Variants in FANK1 observed in about 807,000 individuals in gnomAD.
FANK1 encodes the protein fibronectin type 3 and ankyrin repeat domains protein 1.
Under a neutral mutation model 45.3 loss-of-function variants are expected in FANK1, and 44 were observed. That is an observed-to-expected ratio of 0.97 (90% CI 0.76 to 1.25). The LOEUF (loss-of-function observed/expected upper bound fraction) is 1.25. Among genes scored for constraint, FANK1 ranks in the 50% most tolerant of loss-of-function variants. FANK1 has a pLI of 0.00. For missense variants in FANK1, 391 were observed against 424.4 expected (o/e 0.92, Z 0.69); for synonymous variants, 149 against 152.5 (o/e 0.98, Z 0.17).
chr10:125,966,793 T>C lies in FANK1; in HGVS notation c.14-13368T>C, dbSNP rs556269972. ...GTCTAGGCTAGTAGTTTGTCTTAGCTGAATCTTTTTTCCATAAGAATAAGT... is the reference window on the plus strand; with the variant it reads ...GTCTAGGCTAGTAGTTTGTCTTAGCCGAATCTTTTTTCCATAAGAATAAGT... On this transcript the variant is annotated intron_variant, in intron 1 of 10. Transcript: ENST00000368693. Among the ~76,000 whole-genome samples the C allele has an allele frequency of 2.6e-5, 4 of 152,332 alleles. No homozygotes were observed. The South Asian group carries it at 8.3e-4, about 32-fold the overall frequency.
intron 6 of FANK1, among the ~76,000 whole-genome samples, chr10:125,998,178 G>C (rs1263783676): frequency 6.6e-6 from 1 of 152,216 alleles, no homozygotes; most frequent in Non-Finnish European, 1.5e-5. Context: ...CAAAATGCCA[G>C]GCCCTGGCTT....
intron 1 of FANK1, among the ~76,000 whole-genome samples, chr10:125,961,994 C>T (rs539454526): frequency 1.3e-5 from 2 of 152,066 alleles, no homozygotes; most frequent in African/African-American, 4.8e-5. Flanking sequence ...AATGAGATTA[C>T]ATCAAACAAA....
intron 1 of FANK1, among the ~76,000 whole-genome samples, chr10:125,942,729 C>T (rs1342971330): frequency 6.6e-6 from 1 of 151,676 alleles, no homozygotes; most frequent in East Asian, 1.9e-4. Flanking sequence ...ATTATCAAAT[C>T]TACAAGCTTA....
intron 1 of FANK1, among the ~76,000 whole-genome samples, chr10:125,962,586 G>T (rs190293555): frequency 6.6e-6 from 1 of 151,940 alleles, no homozygotes; most frequent in Non-Finnish European, 1.5e-5. Context: ...GTTTTCTGCC[G>T]AGTATAACCT....
chr10:125,972,735 A>C (rs1302792898), intron 1 of FANK1: 1 of 151,628 alleles, frequency 6.6e-6, no homozygotes, highest in Non-Finnish European at 1.5e-5. Context: ...GCGTACACTA[A>C]CCATTGGCAT....
intron 2 of FANK1, among the ~76,000 whole-genome samples, chr10:125,984,775 C>G (rs1469760751): frequency 2.0e-5 from 3 of 152,198 alleles, no homozygotes; most frequent in African/African-American, 4.8e-5. Flanking sequence ...GCTCTTGCAT[C>G]AAACATTTGC....
intron 1 of FANK1, among the ~76,000 whole-genome samples, chr10:125,913,341 A>C (rs1946184237): frequency 6.6e-6 from 1 of 151,788 alleles, no homozygotes; most frequent in Non-Finnish European, 1.5e-5. Flanking sequence ...ATGCTGCATG[A>C]CACCCAAACT....
rs1459339872 is a variant in FANK1, at chr10:125,907,590, G to T, written c.13+10935G>T. On this transcript the variant is annotated intron_variant, in intron 1 of 10. Coordinates refer to ENST00000368693, the MANE Select transcript of FANK1 (RefSeq NM_145235.5). ...TCCTGGGATGTGTGTGTGTGTGTGT[G>T]TGTGTATGTGTGTGTGTGTGTGTGC... 8.0e-6 allele frequency: 6 copies of T among 747,286 alleles called. No homozygotes were observed. In the East Asian group the frequency reaches 3.9e-4, roughly 48 times the overall value. 46.3% of individuals were successfully genotyped at this position (747,286 alleles called of 1,614,324 possible). A position where few individuals can be genotyped will look rare whatever the true frequency, so the allele number is the denominator to read the frequency against.
At position 125,956,909 on chromosome 10, in the gene FANK1, C is replaced by T. The variant is rs181772808; in HGVS notation, c.14-23252C>T. Among the ~76,000 whole-genome samples the T allele has an allele frequency of 1.6e-3, 248 of 152,278 alleles. 1 individual carries two copies. The highest frequency in any genetic ancestry group is 4.5e-3 in the African/African-American group (186 of 41,544). ...TGTTGTCCAGGCAGGAGTGCAATGG[C>T]GCGATCTCAGCTCACTGCAACCTCC... On this transcript the variant is annotated intron_variant, in intron 1 of 10. Transcript: ENST00000368693.
At chr10:125,909,294 A>G (rs1009044619) in intron 1 of FANK1, among the ~76,000 whole-genome samples, 4 of 152,148 alleles carry the variant, frequency 2.6e-5, no homozygotes, top group African/African-American at 7.2e-5. Flanking sequence ...GGAAGTGAAA[A>G]TCACTGGGGG....
chr10:125,974,139 C>T (rs1302605422), intron 1 of FANK1, among the ~76,000 whole-genome samples: 1 of 152,210 alleles, frequency 6.6e-6, no homozygotes, highest in Admixed American at 6.5e-5. Context: ...CTAGGTTTAT[C>T]CAATTCCATC....
intron 1 of FANK1, among the ~76,000 whole-genome samples, chr10:125,953,737 T>G (rs1486996049): frequency 6.6e-6 from 1 of 152,166 alleles, no homozygotes; most frequent in Non-Finnish European, 1.5e-5. Flanking sequence ...GCTTTGTGGT[T>G]CAGATGCTGA....
intron 6 of FANK1, 174 bp from the exon 7 acceptor site, chr10:126,004,710 A>G: frequency 3.3e-6 from 2 of 610,774 alleles, no homozygotes; most frequent in Admixed American, 5.7e-5. Flanking sequence ...CATTGTATGG[A>G]TATACCACAT....
chr10:125,941,282 G>A (rs1197974665), intron 1 of FANK1, among the ~76,000 whole-genome samples: 1 of 152,076 alleles, frequency 6.6e-6, no homozygotes, highest in Non-Finnish European at 1.5e-5. Context: ...ATGGACAATA[G>A]ACATTTTGCA....
intron 6 of FANK1, chr10:126,004,495 C>G (rs1486760470): frequency 5.8e-6 from 1 of 173,106 alleles, no homozygotes. Flanking sequence ...GAAAGAAGCC[C>G]TGCCCTCTTC....
intron 1 of FANK1, among the ~76,000 whole-genome samples, chr10:125,959,732 C>T (rs1949802482): frequency 6.6e-6 from 1 of 152,136 alleles, no homozygotes; most frequent in Non-Finnish European, 1.5e-5. Flanking sequence ...ATGAGCAGAA[C>T]ACATTTTGTA....
intron 3 of FANK1, chr10:125,995,058 A>C (rs1952223213): frequency 1.8e-6 from 1 of 568,914 alleles, no homozygotes; most frequent in Admixed American, 6.4e-5. Context: ...TCTCTTTGGC[A>C]AATAAAACTA....
At chr10:125,980,023 G>A (rs1367940026) in intron 1 of FANK1, 138 bp from the exon 2 acceptor site, 4 of 848,316 alleles carry the variant, frequency 4.7e-6, no homozygotes, top group Middle Eastern at 2.3e-4. Context: ...GGTTCTTTAA[G>A]CAACAGGGAG....
chr10:125,985,767 C>T (rs182272560), intron 2 of FANK1, among the ~76,000 whole-genome samples: 45 of 152,252 alleles, frequency 3.0e-4, no homozygotes, highest in African/African-American at 1.0e-3. Context: ...TGGTCTTGGC[C>T]GTTGCAGCTC....
Sources: allele counts gnomAD v4.1 joint callset (sites outside exome capture counted in the v4.1 genomes callset), GRCh38; gene constraint gnomAD v4.1.1; transcripts MANE v1.5; gene names NCBI Gene and HGNC (gene_info 2026-07-23, HGNC 2026-07-21).